Variants in ST6GALNAC5 observed in about 807,000 individuals in gnomAD.
ST6GALNAC5 encodes ST6 N-acetylgalactosaminide alpha-2,6-sialyltransferase 5, also known as alpha-N-acetylgalactosaminide alpha-2,6-sialyltransferase 5.
Under a neutral mutation model 33.6 loss-of-function variants are expected in ST6GALNAC5, and 27 were observed. That is an observed-to-expected ratio of 0.80 (90% CI 0.59 to 1.11). The LOEUF is 1.11. Ranked by LOEUF, ST6GALNAC5 falls within the 50% of genes least tolerant of loss-of-function variation. The pLI is 0.00. For synonymous variants in ST6GALNAC5, 194 were observed against 171.2 expected (o/e 1.13, Z -1.04); for missense variants, 428 against 454.0 (o/e 0.94, Z 0.52).
At position 76,867,636 on chromosome 1, in the gene ST6GALNAC5, C is replaced by T; in HGVS notation, c.-40C>T. 2 of 1,614,060 alleles carry T rather than the reference C, an allele frequency of 1.2e-6. No individual in the cohort carries two copies. Among genetic ancestry groups the T allele is most frequent in the Non-Finnish European group, 1.7e-6 (2 of 1,179,996 alleles). On this transcript the variant is annotated 5_prime_UTR_variant, in exon 1 of 5. It adds an upstream start codon to the 5' untranslated region. Coordinates refer to ENST00000477717, the MANE Select transcript of ST6GALNAC5 (RefSeq NM_030965.3). ...CCCTCCAGGAAAAAGTGGCCCCGGA[C>T]GCGCGAGCCTGAGGATTCTGCACAA...
In ST6GALNAC5 at chr1:76,959,364, T is replaced by A. The variant is rs1050258173; in HGVS notation, c.262-84840T>A. 3.3e-5 allele frequency among the ~76,000 whole-genome samples: 5 copies of A among 152,228 alleles called. No individual in the cohort carries two copies. In the East Asian group the frequency reaches 9.6e-4, roughly 29 times the overall value. ...GTATAATTGTATCTATCTTTTTCTC[T>A]CTTTTTGTGGTTTGCTTTTTACATT... is the stretch of plus-strand genomic sequence containing the variant. On this transcript the variant is annotated intron_variant, in intron 2 of 4. Coordinates refer to ENST00000477717, the MANE Select transcript of ST6GALNAC5 (RefSeq NM_030965.3).
chr1:77,005,589 C>T (rs1416577336), intron 2 of ST6GALNAC5, among the ~76,000 whole-genome samples: 1 of 152,158 alleles, frequency 6.6e-6, no homozygotes, highest in African/African-American at 2.4e-5. Flanking sequence ...TTTAAGTGTA[C>T]AATTCAGTGG....
At chr1:76,894,341 C>T (rs1000549257) in intron 2 of ST6GALNAC5, among the ~76,000 whole-genome samples, 2 of 152,008 alleles carry the variant, frequency 1.3e-5, no homozygotes, top group African/African-American at 2.4e-5. Context: ...GCATGTACAC[C>T]GCACACCTGC....
rs1449157784 is a variant in ST6GALNAC5, at chr1:76,867,605, T to C, written c.-71T>C. ...GCCGCCTCCGCCCCATTACCCATCA[T>C]GGAAACCCTCCAGGAAAAAGTGGCC... On this transcript the variant is annotated 5_prime_UTR_variant, in exon 1 of 5. It removes an upstream start codon present in the reference 5' UTR. Coordinates refer to ENST00000477717, the MANE Select transcript of ST6GALNAC5 (RefSeq NM_030965.3). The C allele has an allele frequency of 2.5e-6, 4 of 1,613,592 alleles. No individual in the cohort carries two copies. Among genetic ancestry groups the C allele is most frequent in the Non-Finnish European group, 3.4e-6 (4 of 1,179,570 alleles).
At chr1:77,020,203 G>A (rs371789445) in intron 2 of ST6GALNAC5, among the ~76,000 whole-genome samples, 4 of 152,186 alleles carry the variant, frequency 2.6e-5, no homozygotes, top group African/African-American at 9.7e-5. Flanking sequence ...TAACAAGCAT[G>A]CTTTTGAGGG....
intron 3 of ST6GALNAC5, among the ~76,000 whole-genome samples, chr1:77,047,403 A>G (rs1481613827): frequency 6.6e-6 from 1 of 152,252 alleles, no homozygotes; most frequent in East Asian, 1.9e-4. Flanking sequence ...CCAACAAAAC[A>G]GTAGCATATG....
rs1169321523 is a variant in ST6GALNAC5, at chr1:77,063,307, G to A, written c.*101G>A. On this transcript the variant is annotated 3_prime_UTR_variant, in exon 5 of 5. Coordinates refer to ENST00000477717, the MANE Select transcript of ST6GALNAC5 (RefSeq NM_030965.3). ...AGACAGGAAAGGGTAGCAGAAAACA[G>A]CTTCACTCCTCAGGAAGTACCATGG... 5.8e-6 allele frequency: 6 copies of A among 1,028,580 alleles called. No individual in the cohort carries two copies. The highest frequency in any genetic ancestry group is 8.7e-6 in the Non-Finnish European group (6 of 688,510). The allele number at this position is 1,028,580 out of a possible 1,614,324, so 63.7% of individuals were successfully genotyped here.
Position 76,867,522 on chromosome 1 carries a change from C to G in ST6GALNAC5, c.-154C>G. 1.7e-6 allele frequency: 2 copies of G among 1,145,780 alleles called. No homozygotes were observed. The highest frequency in any genetic ancestry group is 2.6e-6 in the Non-Finnish European group (2 of 758,562). The allele number at this position is 1,145,780 out of a possible 1,614,324, so 71.0% of individuals were successfully genotyped here. ...TAATCTCTGCAACAGCCGCGCTTCC[C>G]GGGTCCCGCGGCTCCCGCGCGCGAT... is the stretch of plus-strand genomic sequence containing the variant. On this transcript the variant is annotated 5_prime_UTR_variant, in exon 1 of 5. Coordinates refer to ENST00000477717, the MANE Select transcript of ST6GALNAC5 (RefSeq NM_030965.3).
At position 77,029,179 on chromosome 1, in the gene ST6GALNAC5, C is replaced by T. The variant is rs150329729; in HGVS notation, c.262-15025C>T. 2.1e-3 allele frequency among the ~76,000 whole-genome samples: 314 copies of T among 152,280 alleles called. 3 individuals are homozygous for T. Among genetic ancestry groups the T allele is most frequent in the African/African-American group, 7.4e-3 (307 of 41,562 alleles). Reference sequence around the variant, plus strand: ...TCAGAACTGTATTTTAGAAAGAACACATGACTCCTGCACTCTAGCCACTTA... The same window carrying T: ...TCAGAACTGTATTTTAGAAAGAACATATGACTCCTGCACTCTAGCCACTTA... On this transcript the variant is annotated intron_variant, in intron 2 of 4. Coordinates refer to ENST00000477717, the MANE Select transcript of ST6GALNAC5 (RefSeq NM_030965.3).
intron 2 of ST6GALNAC5, among the ~76,000 whole-genome samples, chr1:76,874,714 C>A (rs371006120): frequency 6.6e-6 from 1 of 152,116 alleles, no homozygotes; most frequent in Non-Finnish European, 1.5e-5. Context: ...CCTTCCCCAG[C>A]GCACTGACTC....
At chr1:76,967,123 G>C (rs765839833) in intron 2 of ST6GALNAC5, among the ~76,000 whole-genome samples, 1 of 152,286 alleles carries the variant, frequency 6.6e-6, no homozygotes, top group East Asian at 1.9e-4. Flanking sequence ...AAATGAGCTA[G>C]GGAGGATTCC....
At chr1:76,972,387 AGCCAAAC>A (rs1325940293) in intron 2 of ST6GALNAC5, among the ~76,000 whole-genome samples, 1 of 152,198 alleles carries the variant, frequency 6.6e-6, no homozygotes, top group Non-Finnish European at 1.5e-5. Flanking sequence ...GTGGGGACAC[AGCCAAAC>A]CATTTCAAAT....
At chr1:77,038,120 A>G (rs547963372) in intron 2 of ST6GALNAC5, among the ~76,000 whole-genome samples, 5 of 152,330 alleles carry the variant, frequency 3.3e-5, no homozygotes, top group South Asian at 2.1e-4. Flanking sequence ...ACTGCTCAGT[A>G]CTGCCTTCTG....
intron 2 of ST6GALNAC5, among the ~76,000 whole-genome samples, chr1:77,037,818 G>T (rs1651701559): frequency 6.6e-6 from 1 of 152,140 alleles, no homozygotes; most frequent in African/African-American, 2.4e-5. Context: ...GGTGAGAAGT[G>T]GTAGGATCTG....
At chr1:77,022,884 T>C (rs190893982) in intron 2 of ST6GALNAC5, among the ~76,000 whole-genome samples, 22 of 152,306 alleles carry the variant, frequency 1.4e-4, no homozygotes, top group African/African-American at 5.3e-4. Context: ...CTTGGCAAAT[T>C]TGGTGTCATG....
intron 2 of ST6GALNAC5, among the ~76,000 whole-genome samples, chr1:76,987,565 G>A (rs138963884): frequency 8.1e-4 from 123 of 152,236 alleles, no homozygotes; most frequent in South Asian, 1.5e-3. Context: ...GAGTTACCAT[G>A]TGGTCCAACA....
intron 2 of ST6GALNAC5, among the ~76,000 whole-genome samples, chr1:76,874,987 G>T (rs1208181022): frequency 1.3e-5 from 2 of 152,052 alleles, no homozygotes; most frequent in Non-Finnish European, 2.9e-5. Context: ...ATTACAAAAA[G>T]TTATCAATAC....
In ST6GALNAC5 at chr1:76,946,711, A is replaced by C. The variant is rs549047032; in HGVS notation, c.261+77969A>C. 2.0e-5 allele frequency among the ~76,000 whole-genome samples: 3 copies of C among 152,286 alleles called. No individual in the cohort carries two copies. The South Asian group carries it at 6.2e-4, about 32-fold the overall frequency. ...TTGTTTAGTTTTACCACTTTAAATTAATTCACCTAAGAATTTAAATGATTT... is the reference window on the plus strand; with the variant it reads ...TTGTTTAGTTTTACCACTTTAAATTCATTCACCTAAGAATTTAAATGATTT... On this transcript the variant is annotated intron_variant, in intron 2 of 4. Coordinates refer to ENST00000477717, the MANE Select transcript of ST6GALNAC5 (RefSeq NM_030965.3).
rs143314859 is a variant in ST6GALNAC5, at chr1:76,955,314, A to G, written c.261+86572A>G. ...ACTGTAATGCTCATTTTGCACATCA[A>G]TCTGAATTGGATGTGCTTCAAGGTC... On this transcript the variant is annotated intron_variant, in intron 2 of 4. Coordinates refer to ENST00000477717, the MANE Select transcript of ST6GALNAC5 (RefSeq NM_030965.3). Among the ~76,000 whole-genome samples the G allele has an allele frequency of 3.0e-3, 452 of 152,240 alleles. 5 individuals are homozygous for G. Among genetic ancestry groups the G allele is most frequent in the South Asian group, 0.015 (71 of 4,816 alleles).
Sources: allele counts gnomAD v4.1 joint callset (sites outside exome capture counted in the v4.1 genomes callset), GRCh38; gene constraint gnomAD v4.1.1; transcripts MANE v1.5; gene names NCBI Gene and HGNC (gene_info 2026-07-23, HGNC 2026-07-21).